MAP3K21: variants seen among roughly 807,000 people sequenced by gnomAD.
MAP3K21 encodes mitogen-activated protein kinase kinase kinase 21.
In MAP3K21, 63 loss-of-function variants were observed where a neutral mutation model predicts 86.1. The ratio of observed to expected loss-of-function variants is 0.73; its 90% confidence interval spans 0.60 to 0.90. MAP3K21 has a LOEUF of 0.90. Among genes scored for constraint, MAP3K21 ranks in the 40% least tolerant of loss-of-function variants. The probability of loss-of-function intolerance (pLI) is 0.00; values close to 1 mark genes in which losing one functional copy is unlikely to be tolerated. For synonymous variants in MAP3K21, 558 were observed against 564.8 expected (o/e 0.99, Z 0.17); for missense variants, 1,220 against 1,367.7 (o/e 0.89, Z 1.70).
intron 4 of MAP3K21, among the ~76,000 whole-genome samples, chr1:233,360,029 TG>T (rs1226856270): frequency 5.9e-5 from 9 of 152,258 alleles, no homozygotes; most frequent in South Asian, 2.1e-4. Context: ...GAATTAAAAA[TG>T]TTTTTTTATT....
Position 233,328,067 on chromosome 1 carries a change from G to C in MAP3K21, c.39G>C (p.Pro13=). 7.4e-7 allele frequency: 1 copy of C among 1,342,402 alleles called. No individual in the cohort carries two copies. The highest frequency in any genetic ancestry group is 9.5e-7 in the Non-Finnish European group (1 of 1,053,778). The allele number at this position is 1,342,402 out of a possible 1,614,324, so 83.2% of individuals were successfully genotyped here. ...LRGAAGATDT[P]VSSAGGAPGG... Reference sequence around the variant, plus strand: ...GCGCCGCGGGAGCGACCGACACCCCGGTGTCCTCGGCCGGGGGAGCCCCCG... The same window carrying C: ...GCGCCGCGGGAGCGACCGACACCCCCGTGTCCTCGGCCGGGGGAGCCCCCG... The change falls in exon 1 of 10, where the codon CCG becomes CCC. Residue 13 remains proline (P), a synonymous_variant. Transcript: ENST00000366624. This position sits in a 1 kb window ranked among gnomAD's most constrained non-coding sequence, Gnocchi z 8.7.
intron 9 of MAP3K21, among the ~76,000 whole-genome samples, chr1:233,381,289 T>C (rs1663911262): frequency 2.0e-5 from 3 of 152,188 alleles, no homozygotes; most frequent in South Asian, 2.1e-4. Flanking sequence ...AGTAACAATA[T>C]ACATACCTAA....
intron 1 of MAP3K21, among the ~76,000 whole-genome samples, chr1:233,332,969 A>G (rs999959053): frequency 5.5e-5 from 8 of 144,296 alleles, no homozygotes; most frequent in African/African-American, 1.5e-4. Context: ...TCTTTTAGGA[A>G]TAATTATTAT....
intron 1 of MAP3K21, among the ~76,000 whole-genome samples, chr1:233,342,503 TG>T (rs1407758258): frequency 2.0e-5 from 3 of 152,260 alleles, no homozygotes; most frequent in African/African-American, 7.2e-5. Flanking sequence ...CAAGGAACTA[TG>T]TTAGGCGATA....
rs563559247 is a variant in MAP3K21 at position 233,337,901 on chromosome 1, C to T, written c.806-8541C>T. On this transcript the variant is annotated intron_variant, in intron 1 of 9. Transcript: ENST00000366624. ...GGCATATAGGATGTTTGAATTGTTA[C>T]TTCTGAAGATTTGGCTTCACGTGAT... is the stretch of plus-strand genomic sequence containing the variant. 1.6e-4 allele frequency among the ~76,000 whole-genome samples: 25 copies of T among 152,336 alleles called. No individual in the cohort carries two copies. The South Asian group carries it at 5.0e-3, about 30-fold the overall frequency.
intron 1 of MAP3K21, among the ~76,000 whole-genome samples, chr1:233,345,667 C>T (rs1663122808): frequency 6.6e-6 from 1 of 151,804 alleles, no homozygotes; most frequent in African/African-American, 2.4e-5. Context: ...ACCAACATGG[C>T]ACATGTATAC....
chr1:233,380,181 G>A (rs1370474671), intron 9 of MAP3K21, among the ~76,000 whole-genome samples: 1 of 152,202 alleles, frequency 6.6e-6, no homozygotes, highest in African/African-American at 2.4e-5. Flanking sequence ...CCACAGCATG[G>A]AGAGATGTTC....
intron 1 of MAP3K21, among the ~76,000 whole-genome samples, chr1:233,343,376 C>T (rs77516196): frequency 0.014 from 2,117 of 152,280 alleles, 54 homozygotes; most frequent in African/African-American, 0.048. Flanking sequence ...CTCCTCCCTA[C>T]AATCTTATGA....
intron 5 of MAP3K21, among the ~76,000 whole-genome samples, chr1:233,369,884 G>A (rs1663651430): frequency 6.6e-6 from 1 of 152,170 alleles, no homozygotes; most frequent in African/African-American, 2.4e-5. Context: ...AGGAGAATAG[G>A]GCAAGATGAG....
intron 1 of MAP3K21, among the ~76,000 whole-genome samples, chr1:233,343,566 AG>A: frequency 6.6e-6 from 1 of 152,234 alleles, no homozygotes; most frequent in Non-Finnish European, 1.5e-5. Context: ...GCACCTGAGT[AG>A]AGAGAGATTT....
intron 2 of MAP3K21, among the ~76,000 whole-genome samples, chr1:233,347,941 C>T (rs771254026): frequency 2.8e-5 from 4 of 140,868 alleles, no homozygotes; most frequent in African/African-American, 5.4e-5. Flanking sequence ...TAAAATCCTG[C>T]GTTAATCATT....
chr1:233,360,088 A>G (rs1663439362), intron 4 of MAP3K21, among the ~76,000 whole-genome samples: 1 of 152,208 alleles, frequency 6.6e-6, no homozygotes, highest in South Asian at 2.1e-4. Context: ...TGCTGTTCTG[A>G]TCGCTTTCTC....
chr1:233,369,746 GTGGC>G (rs1663648375), intron 5 of MAP3K21, among the ~76,000 whole-genome samples: 3 of 152,206 alleles, frequency 2.0e-5, no homozygotes, highest in Non-Finnish European at 2.9e-5. Flanking sequence ...TGTGTTGACT[GTGGC>G]TGCTTTCTCT....
At position 233,353,803 on chromosome 1, in the gene MAP3K21, C is replaced by T; in HGVS notation, c.987-4C>T. On this transcript the variant is annotated splice_polypyrimidine_tract_variant and splice_region_variant and intron_variant, in intron 2 of 9. Transcript: ENST00000366624. ...ATTGAGCATATGAAATCCTTGCTTT[C>T]TAGCTATGGAGTGCTGCTGTGGGAA... The T allele has an allele frequency of 1.3e-6, 2 of 1,570,308 alleles. No individual in the cohort carries two copies. The highest frequency in any genetic ancestry group is 8.6e-7 in the Non-Finnish European group (1 of 1,161,686).
intron 4 of MAP3K21, among the ~76,000 whole-genome samples, chr1:233,358,163 C>T (rs1039261005): frequency 4.0e-5 from 6 of 151,898 alleles, no homozygotes; most frequent in African/African-American, 1.5e-4. Context: ...TCACTGTAAC[C>T]CTGTGTCCCT....
At chr1:233,329,904 C>T (rs1468302499) in intron 1 of MAP3K21, among the ~76,000 whole-genome samples, 3 of 152,164 alleles carry the variant, frequency 2.0e-5, no homozygotes, top group Non-Finnish European at 2.9e-5. Flanking sequence ...TCCTATGAAA[C>T]TTTGCTGTAT....
At chr1:233,339,472 TTC>T (rs1662994782) in intron 1 of MAP3K21, among the ~76,000 whole-genome samples, 1 of 52,334 alleles carries the variant, frequency 1.9e-5, no homozygotes, top group Non-Finnish European at 3.4e-5. Flanking sequence ...CTCCTTCTCC[TTC>T]TTCTTCTTCT....
At chr1:233,364,139 A>G (rs1663521993) in intron 5 of MAP3K21, among the ~76,000 whole-genome samples, 1 of 152,078 alleles carries the variant, frequency 6.6e-6, no homozygotes, top group South Asian at 2.1e-4. Flanking sequence ...TATCACTTTT[A>G]CCTTCAACCT....
intron 1 of MAP3K21, among the ~76,000 whole-genome samples, chr1:233,335,542 A>T (rs1027184083): frequency 1.3e-4 from 20 of 152,064 alleles, no homozygotes; most frequent in Non-Finnish European, 2.8e-4. Context: ...GTAAAAAAAA[A>T]ACTGAACTCA....
Sources: gnomAD v4.1 joint callset for allele counts (sites outside exome capture counted in the v4.1 genomes callset) on GRCh38, gnomAD v4.1.1 for gene constraint, Gnocchi (gnomAD v3.1) non-coding constraint, MANE v1.5 for transcripts, NCBI Gene and HGNC (gene_info 2026-07-23, HGNC 2026-07-21) for gene names.